BLVRA: variants seen among roughly 807,000 people sequenced by gnomAD.
BLVRA encodes the protein BVR A.
In BLVRA, 22 loss-of-function variants were observed where a neutral mutation model predicts 32.8. That is an observed-to-expected ratio of 0.67 (90% CI 0.48 to 0.96). The LOEUF is 0.96. Among genes scored for constraint, BLVRA ranks in the 40% least tolerant of loss-of-function variants. BLVRA has a pLI of 0.00. For missense variants in BLVRA, 323 were observed against 358.1 expected, an observed-to-expected ratio of 0.90 and a Z score of 0.79; for synonymous variants, 119 against 141.3, an observed-to-expected ratio of 0.84 and a Z score of 1.12.
At chr7:43,791,543 T>C (rs2132580269) in intron 4 of BLVRA, 175 bp downstream of exon 4, 2 of 670,086 alleles carry the variant, frequency 3.0e-6, no homozygotes, top group East Asian at 2.8e-5. Flanking sequence ...TTGCTGGTTA[T>C]AAATATATAA....
chr7:43,759,809 A>C (rs1434303423), intron 1 of BLVRA, among the ~76,000 whole-genome samples: 5 of 152,216 alleles, frequency 3.3e-5, no homozygotes, highest in Non-Finnish European at 5.9e-5. Context: ...GATTGTATTG[A>C]TAAATATGCT....
chr7:43,783,358 G>T (rs1201626556), intron 2 of BLVRA, among the ~76,000 whole-genome samples: 1 of 151,946 alleles, frequency 6.6e-6, no homozygotes, highest in Non-Finnish European at 1.5e-5. Flanking sequence ...TTTTCCTTTG[G>T]CTACCACCCC....
Position 43,803,748 on chromosome 7 carries a change from C to T in BLVRA, c.533C>T (p.Ser178Phe). The T allele has an allele frequency of 6.2e-7, 1 of 1,614,140 alleles. No individual in the cohort carries two copies. The highest frequency in any genetic ancestry group is 2.2e-5 in the East Asian group (1 of 44,882). ...ATCTCTCGCCTGACCTGGCTGGTCT[C>T]CCTCTTTGGGGAGCTTTCTCTTGTG... ...SGISRLTWLVSLFGELSLVSA... is the reference protein window; with the variant it reads ...SGISRLTWLVFLFGELSLVSA... The change falls in exon 7 of 8, where the codon TCC becomes TTC. Residue 178 changes from serine to phenylalanine, a missense_variant. Physicochemically the swap from Ser to Phe is radical, Grantham distance 155. Coordinates refer to ENST00000265523, the MANE Select transcript of BLVRA (RefSeq NM_000712.4).
chr7:43,790,889 T>C (rs964942288), intron 3 of BLVRA, among the ~76,000 whole-genome samples: 3 of 152,186 alleles, frequency 2.0e-5, no homozygotes, highest in Admixed American at 2.0e-4. Flanking sequence ...GCCAGGCTGG[T>C]CTTGAACTCC....
In BLVRA at chr7:43,807,017, C is replaced by G. The variant is rs754440828; in HGVS notation, c.673C>G (p.Arg225Gly). The G allele has an allele frequency of 1.2e-6, 2 of 1,614,100 alleles. No individual in the cohort carries two copies. Among genetic ancestry groups the G allele is most frequent in the East Asian group, 4.5e-5 (2 of 44,882 alleles). The change falls in exon 8 of 8, where the codon CGA (arginine) becomes GGA (glycine). Residue 225 changes from arginine to glycine, a missense_variant. Coordinates refer to ENST00000265523, the MANE Select transcript of BLVRA (RefSeq NM_000712.4). ...TGAAGAAAAAGGACCTGGTCTAAAA[C>G]GAAACAGATATTTAAGCTTCCATTT... Reference protein sequence around the residue: ...WIEEKGPGLKRNRYLSFHFKS... With the variant: ...WIEEKGPGLKGNRYLSFHFKS...
At chr7:43,784,237 A>G (rs2095774033) in intron 2 of BLVRA, among the ~76,000 whole-genome samples, 1 of 152,208 alleles carries the variant, frequency 6.6e-6, no homozygotes, top group Non-Finnish European at 1.5e-5. Flanking sequence ...ATAGCAGAGC[A>G]CAGCAGACAA....
chr7:43,758,624 G>A, upstream of BLVRA: 1 of 153,490 alleles, frequency 6.5e-6, no homozygotes, highest in Non-Finnish European at 1.5e-5. Context: ...CCGCCACCCC[G>A]CTTCGGGGCC....
intron 2 of BLVRA, among the ~76,000 whole-genome samples, chr7:43,772,890 T>A (rs752481492): frequency 6.6e-6 from 1 of 152,140 alleles, no homozygotes; most frequent in African/African-American, 2.4e-5. Flanking sequence ...AAGATGAGAT[T>A]TGGGTGGGGA....
In BLVRA at chr7:43,807,251, T is replaced by G; in HGVS notation, c.*16T>G. ...AAGGAAGTAAGAGGAGGAGGTGATGTAGCACTTCCAAGATGGCACCAGCAT... is the reference window on the plus strand; with the variant it reads ...AAGGAAGTAAGAGGAGGAGGTGATGGAGCACTTCCAAGATGGCACCAGCAT... On this transcript the variant is annotated 3_prime_UTR_variant, in exon 8 of 8. Coordinates refer to ENST00000265523, the MANE Select transcript of BLVRA (RefSeq NM_000712.4). 6.2e-7 allele frequency: 1 copy of G among 1,601,766 alleles called. No homozygotes were observed. Among genetic ancestry groups the G allele is most frequent in the Non-Finnish European group, 8.5e-7 (1 of 1,179,936 alleles).
intron 5 of BLVRA, among the ~76,000 whole-genome samples, chr7:43,795,770 G>T (rs529392115): frequency 6.6e-6 from 1 of 151,600 alleles, no homozygotes; most frequent in Non-Finnish European, 1.5e-5. Flanking sequence ...AAGTTTTTTT[G>T]AAAAAAATCC....
chr7:43,799,912 A>G (rs1317916), intron 5 of BLVRA, among the ~76,000 whole-genome samples: 126,882 of 152,256 alleles, frequency 0.83, 53,378 homozygotes, highest in African/African-American at 0.95. Context: ...TGTTCTCTTA[A>G]ATTTTCATTT....
intron 2 of BLVRA, among the ~76,000 whole-genome samples, chr7:43,774,281 G>A (rs1289093899): frequency 6.6e-6 from 1 of 152,114 alleles, no homozygotes; most frequent in Non-Finnish European, 1.5e-5. Flanking sequence ...GGTCTAACAT[G>A]TAAGTCTTTA....
chr7:43,783,191 G>GA (rs554774524), intron 2 of BLVRA, among the ~76,000 whole-genome samples: 13 of 151,328 alleles, frequency 8.6e-5, no homozygotes, highest in African/African-American at 2.4e-4. Context: ...AGGAAAAAAA[G>GA]AAAAAAAAAT....
At chr7:43,801,946 C>T (rs1161962157) in intron 6 of BLVRA, among the ~76,000 whole-genome samples, 1 of 151,854 alleles carries the variant, frequency 6.6e-6, no homozygotes, top group African/African-American at 2.4e-5. Flanking sequence ...ACCAGTCTGG[C>T]CAACATGGTG....
At chr7:43,759,133 GGGCCGCT>G (rs2095739623) in intron 1 of BLVRA, among the ~76,000 whole-genome samples, 1 of 152,224 alleles carries the variant, frequency 6.6e-6, no homozygotes, top group Non-Finnish European at 1.5e-5. Flanking sequence ...AGCCACCGCA[GGGCCGCT>G]AGCTCGGCCG....
rs1374315566 is a variant in BLVRA at position 43,803,843 on chromosome 7, A to G, written c.628A>G (p.Lys210Glu). ...GACAGTGTGTCTGGAGACAGAGAAG[A>G]AAAGGTAAGTCATGAGAAGCCATGA... ...KMTVCLETEK[K>E]SPLSWIEEKG... Residue 210 changes from lysine to glutamate, a missense_variant, in exon 7 of 8, where the codon AAA (lysine) becomes GAA (glutamate). By Grantham distance (56) the Lys-to-Glu change is moderately conservative. Coordinates refer to ENST00000265523, the MANE Select transcript of BLVRA (RefSeq NM_000712.4). The G allele has an allele frequency of 6.2e-7, 1 of 1,613,934 alleles. No individual in the cohort carries two copies. Among genetic ancestry groups the G allele is most frequent in the Non-Finnish European group, 8.5e-7 (1 of 1,179,896 alleles).
chr7:43,784,606 T>C (rs1384015636), intron 2 of BLVRA, among the ~76,000 whole-genome samples: 1 of 144,964 alleles, frequency 6.9e-6, no homozygotes, highest in Non-Finnish European at 1.5e-5. Context: ...ATCTTTTTTT[T>C]TTTTTTTTTT....
Position 43,797,463 on chromosome 7 carries a change from A to G in BLVRA, c.353-3002A>G, listed in dbSNP as rs557393593. Among the ~76,000 whole-genome samples, 12 of 152,388 alleles carry G rather than the reference A, an allele frequency of 7.9e-5. No individual in the cohort carries two copies. The East Asian group carries it at 1.9e-3, about 24-fold the overall frequency. ...TGTTATCACATACTTAACAAACTAC[A>G]ATATAGTATAAACATAACTTGTGTA... On this transcript the variant is annotated intron_variant, in intron 5 of 7. Transcript: ENST00000265523.
At chr7:43,791,454 G>A (rs2095786053) in intron 4 of BLVRA, 86 bp downstream of exon 4, 1 of 1,473,828 alleles carries the variant, frequency 6.8e-7, no homozygotes, top group South Asian at 1.1e-5. Flanking sequence ...ACCCTGCAAA[G>A]GAGTCAGAAG....
Sources: gnomAD v4.1 joint callset for allele counts (sites outside exome capture counted in the v4.1 genomes callset) on GRCh38, gnomAD v4.1.1 for gene constraint, MANE v1.5 for transcripts, NCBI Gene and HGNC (gene_info 2026-07-23, HGNC 2026-07-21) for gene names.